SYN3: variants seen among roughly 807,000 people sequenced by gnomAD.
The protein encoded by SYN3 is synapsin-3.
In SYN3, 35 loss-of-function variants were observed where a neutral mutation model predicts 65.8. That is an observed-to-expected ratio of 0.53 (90% CI 0.41 to 0.70). The LOEUF (loss-of-function observed/expected upper bound fraction) is 0.70, where lower values mean the gene tolerates loss of function less well. SYN3 is among the 30% of genes least tolerant of loss of function. The pLI is 0.00. For synonymous variants in SYN3, 270 were observed against 292.9 expected, an observed-to-expected ratio of 0.92 and a Z score of 0.80; for missense variants, 680 against 749.0, an observed-to-expected ratio of 0.91 and a Z score of 1.08.
intron 3 of SYN3, among the ~76,000 whole-genome samples, chr22:32,974,428 G>T (rs763319671): frequency 6.6e-6 from 1 of 152,226 alleles, no homozygotes; most frequent in Non-Finnish European, 1.5e-5. Context: ...AACCATACTT[G>T]TTCAAGAGGT....
intron 6 of SYN3, among the ~76,000 whole-genome samples, chr22:32,766,652 C>T (rs2145749084): frequency 6.6e-6 from 1 of 152,316 alleles, no homozygotes; most frequent in African/African-American, 2.4e-5. Context: ...CCTCCGTGAG[C>T]CCTTCTACTT....
chr22:32,796,865 C>A (rs761940491), intron 6 of SYN3, among the ~76,000 whole-genome samples: 1 of 152,170 alleles, frequency 6.6e-6, no homozygotes, highest in African/African-American at 2.4e-5. Context: ...CTGCAGTGTT[C>A]CCAGACCGCC....
chr22:32,828,782 G>A (rs754282154), intron 6 of SYN3, among the ~76,000 whole-genome samples: 11 of 152,188 alleles, frequency 7.2e-5, no homozygotes, highest in African/African-American at 2.4e-4. Flanking sequence ...TCATCAGCAC[G>A]CTGGACTGAG....
At chr22:32,840,309 T>C (rs1303106303) in intron 6 of SYN3, among the ~76,000 whole-genome samples, 1 of 152,168 alleles carries the variant, frequency 6.6e-6, no homozygotes, top group Non-Finnish European at 1.5e-5. Flanking sequence ...GGCTTTGAAC[T>C]GGGACTCCTT....
chr22:32,751,177 T>A (rs2045110767), intron 6 of SYN3, among the ~76,000 whole-genome samples: 2 of 151,974 alleles, frequency 1.3e-5, no homozygotes. Flanking sequence ...TGTGTCATCC[T>A]GGAGCCAAAG....
At chr22:32,792,122 G>A (rs1355732571) in intron 6 of SYN3, among the ~76,000 whole-genome samples, 1 of 152,160 alleles carries the variant, frequency 6.6e-6, no homozygotes, top group African/African-American at 2.4e-5. Flanking sequence ...AGCTTACAGT[G>A]TTTGATCTTC....
intron 3 of SYN3, among the ~76,000 whole-genome samples, chr22:32,956,277 T>A (rs1003533517): frequency 6.6e-6 from 1 of 151,534 alleles, no homozygotes; most frequent in Admixed American, 6.6e-5. Flanking sequence ...TGCCTCAGCC[T>A]CCCAAGTAGC....
At chr22:32,528,378 C>A (rs532489086) in intron 11 of SYN3, among the ~76,000 whole-genome samples, 7 of 152,134 alleles carry the variant, frequency 4.6e-5, no homozygotes, top group Admixed American at 2.0e-4. Flanking sequence ...CTGGCAAATT[C>A]TTTGGAGAGC....
Position 32,721,932 on chromosome 22 carries a change from T to A in SYN3, c.712-125196A>T, listed in dbSNP as rs1050728187. On this transcript the variant is annotated intron_variant, in intron 6 of 13. Transcript: ENST00000358763. The stretch of plus-strand genomic sequence containing the variant: ...TGACAAAATGCTGGCTCCAGGAACA[T>A]CTGAGGGTAAAGCCTTGCAGGCAGG... Among the ~76,000 whole-genome samples the A allele has an allele frequency of 5.3e-5, 8 of 152,118 alleles. No homozygotes were observed. The East Asian group carries it at 1.5e-3, about 29-fold the overall frequency.
intron 6 of SYN3, among the ~76,000 whole-genome samples, chr22:32,829,422 G>T (rs1263565018): frequency 2.6e-5 from 4 of 152,230 alleles, no homozygotes; most frequent in Non-Finnish European, 5.9e-5. Flanking sequence ...AAAGACAGAG[G>T]GGGTGGGGTC....
At chr22:32,598,795 T>C (rs1261908558) in intron 6 of SYN3, among the ~76,000 whole-genome samples, 1 of 152,108 alleles carries the variant, frequency 6.6e-6, no homozygotes, top group Admixed American at 6.5e-5. Flanking sequence ...GCCATAGTTT[T>C]TTTTTTCCTT....
chr22:32,715,900 G>A (rs1238915043), intron 6 of SYN3, among the ~76,000 whole-genome samples: 1 of 152,114 alleles, frequency 6.6e-6, no homozygotes, highest in Non-Finnish European at 1.5e-5. Flanking sequence ...AACAACAGCT[G>A]TGCTGGAACC....
intron 12 of SYN3, among the ~76,000 whole-genome samples, chr22:32,524,603 A>C (rs2057943896): frequency 6.6e-6 from 1 of 152,216 alleles, no homozygotes. Flanking sequence ...TATCCACACA[A>C]TAGTTCTGAT....
chr22:32,846,495 G>T (rs987352207), intron 6 of SYN3, among the ~76,000 whole-genome samples: 1 of 152,196 alleles, frequency 6.6e-6, no homozygotes, highest in African/African-American at 2.4e-5. Context: ...AACACATGAG[G>T]TTTGGGATGG....
At chr22:32,587,557 C>T (rs1024461515) in intron 7 of SYN3, among the ~76,000 whole-genome samples, 1 of 152,172 alleles carries the variant, frequency 6.6e-6, no homozygotes, top group African/African-American at 2.4e-5. Context: ...ATCCATTCCT[C>T]TATTTGCTCA....
intron 6 of SYN3, among the ~76,000 whole-genome samples, chr22:32,727,840 A>G (rs5994613): frequency 0.47 from 71,731 of 151,994 alleles, 17,553 homozygotes; most frequent in African/African-American, 0.62. Context: ...CATTTTTCTC[A>G]TAAATTTGTT....
At chr22:32,813,910 T>C (rs1047313586) in intron 6 of SYN3, among the ~76,000 whole-genome samples, 2 of 152,170 alleles carry the variant, frequency 1.3e-5, no homozygotes, top group African/African-American at 4.8e-5. Context: ...GCCTGGCTCA[T>C]TGCCTGGCAT....
chr22:32,811,895 A>G (rs553678018), intron 6 of SYN3, among the ~76,000 whole-genome samples: 1 of 152,328 alleles, frequency 6.6e-6, no homozygotes, highest in South Asian at 2.1e-4. Context: ...TCACTAGGGT[A>G]GCCAAAGAGA....
chr22:32,987,134 G>A (rs1386750669), intron 2 of SYN3, among the ~76,000 whole-genome samples: 2 of 152,132 alleles, frequency 1.3e-5, no homozygotes, highest in African/African-American at 4.8e-5. Context: ...TCCAAGGAAG[G>A]AGAGGTCAGG....
Sources: gnomAD v4.1 joint callset for allele counts (sites outside exome capture counted in the v4.1 genomes callset) on GRCh38, gnomAD v4.1.1 for gene constraint, MANE v1.5 for transcripts, NCBI Gene and HGNC (gene_info 2026-07-23, HGNC 2026-07-21) for gene names.